LCORL: variants seen among roughly 807,000 people sequenced by gnomAD.
LCORL encodes ligand-dependent nuclear receptor corepressor-like protein.
Under a neutral mutation model 141.8 loss-of-function variants are expected in LCORL, and 41 were observed. The ratio of observed to expected loss-of-function variants is 0.29; its 90% CI spans 0.23 to 0.38. The LOEUF (loss-of-function observed/expected upper bound fraction) is 0.38, where lower values mean the gene tolerates loss of function less well. Ranked by LOEUF, LCORL falls within the 10% of genes least tolerant of loss-of-function variation. The pLI is 1.00. For missense variants in LCORL, 1,759 were observed against 2,035.0 expected (o/e 0.86, Z 2.61); for synonymous variants, 618 against 694.1 (o/e 0.89, Z 1.72).
intron 1 of LCORL, among the ~76,000 whole-genome samples, chr4:17,980,455 G>A (rs1294431632): frequency 1.3e-5 from 2 of 152,102 alleles, no homozygotes; most frequent in Middle Eastern, 3.2e-3. Context: ...GAATTATTTG[G>A]ACAGGCTATT....
At chr4:17,879,749 C>T (rs1020930305) in intron 6 of LCORL, among the ~76,000 whole-genome samples, 4 of 150,682 alleles carry the variant, frequency 2.7e-5, no homozygotes, top group Non-Finnish European at 6.0e-5. Context: ...AAAAGAAAAC[C>T]CAGAATGTTG....
intron 4 of LCORL, among the ~76,000 whole-genome samples, chr4:17,956,991 T>G (rs1356642416): frequency 6.6e-6 from 1 of 151,796 alleles, no homozygotes; most frequent in Non-Finnish European, 1.5e-5. Context: ...GAAAAAGGGA[T>G]AGGTAAAATT....
In LCORL at chr4:17,963,062, G is replaced by GA. The variant is rs777267240; in HGVS notation, c.221-14dup. 5.4e-6 allele frequency: 8 copies of GA among 1,490,582 alleles called. No homozygotes were observed. Among genetic ancestry groups the GA allele is most frequent in the African/African-American group, 2.8e-5 (2 of 71,126 alleles). The allele number at this position is 1,490,582 out of a possible 1,614,324, so 92.3% of individuals were successfully genotyped here. On this transcript the variant is annotated splice_polypyrimidine_tract_variant and intron_variant, in intron 2 of 7. Coordinates refer to ENST00000635767, the Ensembl canonical transcript of LCORL. ...TCTGGTTCACAGTCTTTAAAAGAGG[G>GA]AAAAAATTCATTAAATATACTAACT...
chr4:17,922,949 C>T (rs1734530588), intron 4 of LCORL, among the ~76,000 whole-genome samples: 1 of 152,166 alleles, frequency 6.6e-6, no homozygotes, highest in South Asian at 2.1e-4. Flanking sequence ...TCGTGCACTG[C>T]CTGAGGCAAA....
At chr4:17,966,181 A>C (rs1294190608) in intron 2 of LCORL, among the ~76,000 whole-genome samples, 1 of 152,126 alleles carries the variant, frequency 6.6e-6, no homozygotes, top group Non-Finnish European at 1.5e-5. Context: ...CTTCTAGTTT[A>C]TATTTTATGC....
At chr4:17,990,093 T>C (rs1719694807) in intron 1 of LCORL, among the ~76,000 whole-genome samples, 1 of 148,490 alleles carries the variant, frequency 6.7e-6, no homozygotes, top group Admixed American at 6.7e-5. Context: ...GAAAACTCTC[T>C]GCGTTTTTTT....
At chr4:17,953,619 C>A (rs184787977) in intron 4 of LCORL, among the ~76,000 whole-genome samples, 49 of 152,298 alleles carry the variant, frequency 3.2e-4, no homozygotes, top group African/African-American at 1.0e-3. Flanking sequence ...TAGCATACTG[C>A]AGCTGTGAGT....
intron 7 of LCORL, among the ~76,000 whole-genome samples, chr4:17,867,843 T>A (rs1487900764): frequency 6.6e-6 from 1 of 152,132 alleles, no homozygotes; most frequent in East Asian, 1.9e-4. Flanking sequence ...AGAAAAAACA[T>A]CAAGACAAAG....
intron 6 of LCORL, chr4:17,883,818 T>C: frequency 6.4e-7 from 1 of 1,550,528 alleles, no homozygotes; most frequent in Non-Finnish European, 8.7e-7. Flanking sequence ...TTCGGAGGAG[T>C]CTTCAGTGTT....
intron 7 of LCORL, among the ~76,000 whole-genome samples, chr4:17,862,205 T>G (rs1280959757): frequency 2.6e-5 from 4 of 152,192 alleles, no homozygotes; most frequent in Middle Eastern, 6.3e-3. Flanking sequence ...GGAAAGAAGC[T>G]TAATGGAGAA....
exon 8 of LCORL, chr4:17,843,590 TCAGTTATTATAGTC>T: frequency 3.3e-6 from 2 of 611,790 alleles, no homozygotes; most frequent in Non-Finnish European, 5.5e-6. Flanking sequence ...TAGAGCAGCA[TCAGTTATTATAGTC>T]CAGAAAAAGT....
intron 4 of LCORL, among the ~76,000 whole-genome samples, chr4:17,936,141 C>A (rs774531652): frequency 6.6e-6 from 1 of 151,994 alleles, no homozygotes; most frequent in Non-Finnish European, 1.5e-5. Flanking sequence ...CAATAAGACA[C>A]AAGTAGCTTG....
intron 4 of LCORL, chr4:17,912,466 G>C: frequency 1.8e-6 from 1 of 552,496 alleles, no homozygotes; most frequent in South Asian, 1.5e-5. Context: ...CCAATACGAT[G>C]AGCTGGCTCA....
intron 4 of LCORL, among the ~76,000 whole-genome samples, chr4:17,945,350 C>T (rs536133232): frequency 1.3e-5 from 2 of 151,220 alleles, no homozygotes; most frequent in South Asian, 4.2e-4. Flanking sequence ...AGAACTTCAA[C>T]ATTTTATAAA....
intron 5 of LCORL, among the ~76,000 whole-genome samples, chr4:17,898,883 G>A (rs191776086): frequency 2.6e-4 from 39 of 152,254 alleles, no homozygotes; most frequent in East Asian, 1.4e-3. Context: ...CTTATAAAAT[G>A]TAAGATACTG....
chr4:17,984,209 G>A (rs769651822), intron 1 of LCORL, among the ~76,000 whole-genome samples: 10 of 152,114 alleles, frequency 6.6e-5, no homozygotes, highest in African/African-American at 1.9e-4. Flanking sequence ...TGTTCTTCAA[G>A]GATATTATCC....
chr4:17,908,829 T>C (rs1300610647), intron 5 of LCORL, among the ~76,000 whole-genome samples: 1 of 152,158 alleles, frequency 6.6e-6, no homozygotes, highest in Non-Finnish European at 1.5e-5. Flanking sequence ...ATATCCTTTG[T>C]TTATATGCTT....
chr4:17,949,337 G>C (rs899661683), intron 4 of LCORL, among the ~76,000 whole-genome samples: 6 of 152,036 alleles, frequency 3.9e-5, no homozygotes, highest in African/African-American at 1.4e-4. Flanking sequence ...CTCAGGACTT[G>C]GAAAAACGAA....
intron 7 of LCORL, among the ~76,000 whole-genome samples, chr4:17,861,841 T>C (rs2109133374): frequency 6.6e-6 from 1 of 152,312 alleles, no homozygotes; most frequent in Admixed American, 6.5e-5. Flanking sequence ...AGGGGCAAAA[T>C]GTTGCCAGTC....
Sources: allele counts gnomAD v4.1 joint callset (sites outside exome capture counted in the v4.1 genomes callset), GRCh38; gene constraint gnomAD v4.1.1; transcripts MANE v1.5; gene names NCBI Gene and HGNC (gene_info 2026-07-23, HGNC 2026-07-21).